The following ADK variants were observed in gnomAD, a reference collection of about 807,000 sequenced individuals.
ADK encodes the protein adenosine kinase, also known as N6,N6-dimethyladenosine kinase.
A neutral mutation model predicts 44.7 loss-of-function variants in ADK; 24 were observed. The ratio of observed to expected loss-of-function variants is 0.54; its 90% CI spans 0.39 to 0.76. The LOEUF is 0.76. Ranked by LOEUF, ADK falls within the 30% of genes least tolerant of loss-of-function variation. The pLI is 0.00. For synonymous variants in ADK, 128 were observed against 142.6 expected (o/e 0.90, Z 0.73); for missense variants, 321 against 425.1 (o/e 0.76, Z 2.15).
chr10:74,434,330 T>A (rs1211097896), intron 6 of ADK, among the ~76,000 whole-genome samples: 1 of 152,214 alleles, frequency 6.6e-6, no homozygotes, highest in Non-Finnish European at 1.5e-5. Flanking sequence ...GTCTGAGAAC[T>A]ATTTGATCTT....
intron 6 of ADK, among the ~76,000 whole-genome samples, chr10:74,407,458 A>G (rs536328831): frequency 1.6e-4 from 24 of 152,242 alleles, no homozygotes; most frequent in Admixed American, 1.2e-3. Context: ...TGTTATAACA[A>G]TTGTTTTAAT....
chr10:74,295,848 T>C (rs1839792357), intron 3 of ADK, among the ~76,000 whole-genome samples: 1 of 152,158 alleles, frequency 6.6e-6, no homozygotes, highest in African/African-American at 2.4e-5. Flanking sequence ...ATTTGTACAT[T>C]TTGTCTTAAG....
chr10:74,539,297 G>A (rs1849551832), intron 7 of ADK, among the ~76,000 whole-genome samples: 1 of 152,210 alleles, frequency 6.6e-6, no homozygotes, highest in East Asian at 1.9e-4. Flanking sequence ...TAAGGTTCTG[G>A]GATTACAGGC....
intron 1 of ADK, among the ~76,000 whole-genome samples, chr10:74,162,653 TC>T (rs1841939315): frequency 6.6e-6 from 1 of 151,672 alleles, no homozygotes; most frequent in Admixed American, 6.6e-5. Context: ...CAAGCAATTC[TC>T]CTGCCTCAGC....
intron 6 of ADK, among the ~76,000 whole-genome samples, chr10:74,517,372 T>G (rs1042476861): frequency 6.6e-6 from 1 of 151,914 alleles, no homozygotes; most frequent in Non-Finnish European, 1.5e-5. Flanking sequence ...ATACCTGAAG[T>G]TGGGAGTATT....
intron 6 of ADK, chr10:74,506,347 C>A: frequency 3.8e-6 from 1 of 263,752 alleles, no homozygotes; most frequent in Non-Finnish European, 7.5e-6. Flanking sequence ...TCAAGCAAGT[C>A]AGCTTTTTTT....
rs114340352 is a variant in ADK at position 74,622,586 on chromosome 10, G to A, written c.877+22093G>A. ...CCGAGAAAGTTAAGTGGGCTTATCT[G>A]TGTATTAAGGAATACTGTTTTTAGG... On this transcript the variant is annotated intron_variant, in intron 9 of 10. Coordinates refer to ENST00000539909, the MANE Select transcript of ADK (RefSeq NM_006721.4). 8.1e-3 allele frequency among the ~76,000 whole-genome samples: 1,239 copies of A among 152,178 alleles called. 22 individuals are homozygous for A. Among genetic ancestry groups the A allele is most frequent in the African/African-American group, 0.028 (1,157 of 41,526 alleles).
At position 74,303,588 on chromosome 10, in the gene ADK, G is replaced by GTTTTTTTTTTTTTTTTTTTTTTTTTTTT. The variant is rs1185036462; in HGVS notation, c.195-11053_195-11052insTTTTTTTTTTTTTTTTTTTTTTTTTTTT. On this transcript the variant is annotated intron_variant, in intron 3 of 10. Transcript: ENST00000539909. ...CACTTTTCATATTGGTTTTAATGTT[G>GTTTTTTTTTTTTTTTTTTTTTTTTTTTT]TTTTTTTTTTTTTTTTTTTTTTTTT... Among the ~76,000 whole-genome samples the GTTTTTTTTTTTTTTTTTTTTTTTTTTTT allele has an allele frequency of 4.5e-4, 31 of 68,578 alleles. 8 individuals carry two copies. The highest frequency in any genetic ancestry group is 1.8e-3 in the African/African-American group (23 of 12,700). 45.0% of individuals were successfully genotyped at this position (68,578 alleles called of 152,430 possible). A position where few individuals can be genotyped will look rare whatever the true frequency, so the allele number is the denominator to read the frequency against.
At chr10:74,279,980 A>C (rs1236643393) in intron 3 of ADK, among the ~76,000 whole-genome samples, 1 of 152,120 alleles carries the variant, frequency 6.6e-6, no homozygotes, top group Non-Finnish European at 1.5e-5. Flanking sequence ...ATGAGTTATT[A>C]TTGCACCACT....
At position 74,347,106 on chromosome 10, in the gene ADK, CAAAAAAAAAAAAAAAAAA is replaced by C. The variant is rs58074760; in HGVS notation, c.273+32380_273+32397del. The stretch of plus-strand genomic sequence containing the variant: ...TGGGCGACAGAGCGACACTCTGTCT[CAAAAAAAAAAAAAAAAAA>C]AAAAAAAAAAAAAAAAAAGATGGCC... On this transcript the variant is annotated intron_variant, in intron 4 of 10. Transcript: ENST00000539909. Among the ~76,000 whole-genome samples the C allele has an allele frequency of 3.8e-4, 35 of 92,302 alleles. 1 individual carries two copies. The highest frequency in any genetic ancestry group is 4.8e-3 in the Middle Eastern group (1 of 208). 60.6% of individuals were successfully genotyped at this position (92,302 alleles called of 152,430 possible).
chr10:74,291,585 G>T (rs1847439611), intron 3 of ADK, among the ~76,000 whole-genome samples: 1 of 151,812 alleles, frequency 6.6e-6, no homozygotes. Flanking sequence ...GTACAGCAGT[G>T]GTCAAATCTT....
At chr10:74,182,537 T>G (rs1396894293) in intron 1 of ADK, among the ~76,000 whole-genome samples, 1 of 151,864 alleles carries the variant, frequency 6.6e-6, no homozygotes, top group Admixed American at 6.6e-5. Flanking sequence ...CCCGGCTAAT[T>G]TTTGTATTTT....
At chr10:74,562,454 A>T (rs1029455431) in intron 7 of ADK, among the ~76,000 whole-genome samples, 6 of 152,168 alleles carry the variant, frequency 3.9e-5, no homozygotes, top group African/African-American at 1.2e-4. Context: ...GTATATTGGG[A>T]TGGGTGCAAA....
At chr10:74,208,570 A>G (rs953779301) in intron 2 of ADK, among the ~76,000 whole-genome samples, 1 of 152,170 alleles carries the variant, frequency 6.6e-6, no homozygotes, top group Non-Finnish European at 1.5e-5. Context: ...TTTGGACCCT[A>G]ACAATAAAAG....
At chr10:74,175,072 A>G (rs1214382300) in intron 1 of ADK, among the ~76,000 whole-genome samples, 2 of 152,210 alleles carry the variant, frequency 1.3e-5, no homozygotes, top group Non-Finnish European at 2.9e-5. Flanking sequence ...GATTCCTGTA[A>G]TTTTAAATTT....
intron 9 of ADK, among the ~76,000 whole-genome samples, chr10:74,610,740 T>C (rs1373157738): frequency 6.6e-6 from 1 of 152,100 alleles, no homozygotes; most frequent in Non-Finnish European, 1.5e-5. Context: ...AAATCATTTC[T>C]GTGTTTATAA....
chr10:74,537,446 C>T (rs182796747), intron 7 of ADK, among the ~76,000 whole-genome samples: 2 of 152,274 alleles, frequency 1.3e-5, no homozygotes, highest in African/African-American at 2.4e-5. Flanking sequence ...TACATTCACA[C>T]GAAAGCAGCT....
intron 3 of ADK, among the ~76,000 whole-genome samples, chr10:74,291,713 G>A (rs1005552198): frequency 6.7e-6 from 1 of 148,814 alleles, no homozygotes; most frequent in East Asian, 2.0e-4. Context: ...ATCTACTTTA[G>A]TATGATAGCT....
At chr10:74,277,518 T>C (rs1364509099) in intron 3 of ADK, among the ~76,000 whole-genome samples, 1 of 152,072 alleles carries the variant, frequency 6.6e-6, no homozygotes, top group African/African-American at 2.4e-5. Context: ...TGCCTCAGCC[T>C]CCCAAGTAGC....
Sources: allele counts gnomAD v4.1 joint callset (sites outside exome capture counted in the v4.1 genomes callset), GRCh38; gene constraint gnomAD v4.1.1; transcripts MANE v1.5; gene names NCBI Gene and HGNC (gene_info 2026-07-23, HGNC 2026-07-21).